Variants in GMPR observed in about 807,000 individuals in gnomAD.
The protein encoded by GMPR is GMP reductase 1.
Under a neutral mutation model 38.4 loss-of-function variants are expected in GMPR, and 31 were observed. The observed-to-expected ratio is 0.81, with a 90% CI of 0.61 to 1.09. GMPR has a LOEUF of 1.09. Among genes scored for constraint, GMPR ranks in the 50% least tolerant of loss-of-function variants. The pLI is 0.00. For missense variants in GMPR, 468 were observed against 453.7 expected (o/e 1.03, Z -0.29); for synonymous variants, 162 against 173.3 (o/e 0.93, Z 0.51).
rs747055824 is a variant in GMPR at position 16,274,473 on chromosome 6, T to C, written c.524T>C (p.Ile175Thr). 6.2e-7 allele frequency: 1 copy of C among 1,607,086 alleles called. No individual in the cohort carries two copies. Among genetic ancestry groups the C allele is most frequent in the Admixed American group, 1.7e-5 (1 of 60,008 alleles). Residue 175 changes from isoleucine (I) to threonine (T), a missense_variant, in exon 5 of 9, where the codon ATC (isoleucine) becomes ACC (threonine). Physicochemically the swap from Ile to Thr is moderately conservative, Grantham distance 89. Transcript: ENST00000259727. ...GAGCTTATTCTTTCCGGAGCAGATA[T>C]CATCAAAGTGGGAGTTGGACCAGGT... is the stretch of plus-strand genomic sequence containing the variant. ...VEELILSGADIIKVGVGPGSV... is the reference protein window; with the variant it reads ...VEELILSGADTIKVGVGPGSV...
At chr6:16,253,332 A>G (rs1219087949) in intron 3 of GMPR, among the ~76,000 whole-genome samples, 9 of 152,260 alleles carry the variant, frequency 5.9e-5, no homozygotes, top group Non-Finnish European at 2.9e-5. Context: ...GAAATACCTG[A>G]AACTGGGTAA....
Position 16,295,266 on chromosome 6 carries a change from C to T in GMPR, c.*80C>T. The T allele has an allele frequency of 1.8e-6, 2 of 1,090,274 alleles. No homozygotes were observed. Among genetic ancestry groups the T allele is most frequent in the Non-Finnish European group, 2.5e-6 (2 of 792,532 alleles). 67.5% of individuals were successfully genotyped at this position (1,090,274 alleles called of 1,614,324 possible). A position where few individuals can be genotyped will look rare whatever the true frequency, so the allele number is the denominator to read the frequency against. ...CCATCTCCCCCCAAGTCTGTTCCGT[C>T]AGAGCTTCTGGCTGCTCCTGAATGG... On this transcript the variant is annotated 3_prime_UTR_variant, in exon 9 of 9. Transcript: ENST00000259727.
chr6:16,245,098 C>A (rs1183881652), intron 1 of GMPR, among the ~76,000 whole-genome samples: 2 of 152,124 alleles, frequency 1.3e-5, no homozygotes, highest in South Asian at 2.1e-4. Flanking sequence ...GAGCCATTAG[C>A]CACACACAGG....
In GMPR at chr6:16,266,674, A is replaced by G. The variant is rs541225711; in HGVS notation, c.466-7741A>G. Among the ~76,000 whole-genome samples the G allele has an allele frequency of 1.7e-3, 251 of 150,708 alleles. 1 individual carries two copies. Among genetic ancestry groups the G allele is most frequent in the Middle Eastern group, 6.9e-3 (2 of 290 alleles). ...AAAAAAGAAAAAATTAGCCGGGCGC[A>G]GTGGCGGGCGCCTGTAGTCCCAGCT... On this transcript the variant is annotated intron_variant, in intron 4 of 8. Coordinates refer to ENST00000259727, the MANE Select transcript of GMPR (RefSeq NM_006877.4).
chr6:16,261,366 A>G (rs1462943993), intron 4 of GMPR, among the ~76,000 whole-genome samples: 1 of 151,430 alleles, frequency 6.6e-6, no homozygotes, highest in African/African-American at 2.4e-5. Flanking sequence ...GCTTTGCAAC[A>G]GTACAGCCCA....
At chr6:16,294,952 C>A in intron 8 of GMPR, 54 bp from the exon 9 acceptor site, 1 of 1,408,950 alleles carries the variant, frequency 7.1e-7, no homozygotes, top group Non-Finnish European at 1.0e-6. Context: ...TCTAATTGGG[C>A]TCTTAAGGTG....
At chr6:16,244,456 C>G (rs1581644813) in intron 1 of GMPR, among the ~76,000 whole-genome samples, 1 of 152,092 alleles carries the variant, frequency 6.6e-6, no homozygotes, top group Non-Finnish European at 1.5e-5. Context: ...AAGCAATCTG[C>G]CTGCCTCAGC....
In GMPR at chr6:16,244,153, C is replaced by T. The variant is rs116326953; in HGVS notation, c.88-2689C>T. Among the ~76,000 whole-genome samples the T allele has an allele frequency of 4.5e-3, 654 of 145,500 alleles. 5 individuals carry two copies. The highest frequency in any genetic ancestry group is 0.015 in the African/African-American group (600 of 39,260). ...AACCTATTTTATGTAGCAGTTTGTTCGTTGGACTTACCACATTGAATTATT... is the reference window on the plus strand; with the variant it reads ...AACCTATTTTATGTAGCAGTTTGTTTGTTGGACTTACCACATTGAATTATT... On this transcript the variant is annotated intron_variant, in intron 1 of 8. Transcript: ENST00000259727.
intron 6 of GMPR, among the ~76,000 whole-genome samples, chr6:16,282,631 CT>C (rs1456720006): frequency 7.2e-5 from 11 of 152,174 alleles, no homozygotes; most frequent in Admixed American, 1.3e-4. Flanking sequence ...GGAAAAATGA[CT>C]TTTAAGTTCA....
intron 6 of GMPR, among the ~76,000 whole-genome samples, chr6:16,280,377 C>G (rs1051924467): frequency 6.6e-6 from 1 of 152,078 alleles, no homozygotes; most frequent in Non-Finnish European, 1.5e-5. Context: ...TTTCACCCAC[C>G]CATCCATTCA....
Position 16,295,232 on chromosome 6 carries a change from C to T in GMPR, c.*46C>T. ...CTGGCTCGAGTGGAAGCGTCCAAACCTGCTTTTCCCATCTCCCCCCAAGTC... is the reference window on the plus strand; with the variant it reads ...CTGGCTCGAGTGGAAGCGTCCAAACTTGCTTTTCCCATCTCCCCCCAAGTC... On this transcript the variant is annotated 3_prime_UTR_variant, in exon 9 of 9. Coordinates refer to ENST00000259727, the MANE Select transcript of GMPR (RefSeq NM_006877.4). 1.4e-6 allele frequency: 2 copies of T among 1,388,136 alleles called. No individual in the cohort carries two copies. Among genetic ancestry groups the T allele is most frequent in the African/African-American group, 1.5e-5 (1 of 66,548 alleles). The allele number at this position is 1,388,136 out of a possible 1,614,324, so 86.0% of individuals were successfully genotyped here.
intron 5 of GMPR, among the ~76,000 whole-genome samples, chr6:16,275,128 G>T (rs1395605685): frequency 6.6e-6 from 1 of 152,160 alleles, no homozygotes; most frequent in Non-Finnish European, 1.5e-5. Context: ...CAGGGTTACT[G>T]TTCGCTTTCC....
At position 16,249,987 on chromosome 6, in the gene GMPR, G is replaced by A. The variant is rs549200591; in HGVS notation, c.208-297G>A. Among the ~76,000 whole-genome samples the A allele has an allele frequency of 2.6e-5, 4 of 152,280 alleles. No individual in the cohort carries two copies. The East Asian group carries it at 7.7e-4, about 29-fold the overall frequency. The stretch of plus-strand genomic sequence containing the variant: ...TAATACAGGTGTGGGTGGGAGCCTG[G>A]GTGGGCTGGGTAGGGCTCTGAGAAT... On this transcript the variant is annotated intron_variant, in intron 2 of 8. Coordinates refer to ENST00000259727, the MANE Select transcript of GMPR (RefSeq NM_006877.4).
intron 1 of GMPR, among the ~76,000 whole-genome samples, chr6:16,245,024 G>A (rs924022381): frequency 6.6e-6 from 1 of 152,162 alleles, no homozygotes; most frequent in African/African-American, 2.4e-5. Flanking sequence ...GCCTGTTGGA[G>A]GATAGAAGAG....
intron 8 of GMPR, among the ~76,000 whole-genome samples, chr6:16,292,789 C>G (rs1581669696): frequency 6.6e-6 from 1 of 152,226 alleles, no homozygotes; most frequent in Non-Finnish European, 1.5e-5. Flanking sequence ...AAGACCAGAG[C>G]AGGCTATGGC....
intron 1 of GMPR, among the ~76,000 whole-genome samples, chr6:16,241,895 C>T (rs1007129181): frequency 3.3e-5 from 5 of 151,956 alleles, no homozygotes; most frequent in Admixed American, 6.6e-5. Context: ...GCACCTACCA[C>T]GCTCTGCTAA....
rs1252924188 is a variant in GMPR at position 16,246,725 on chromosome 6, A to T, written c.88-117A>T. On this transcript the variant is annotated intron_variant, in intron 1 of 8. Transcript: ENST00000259727. ...ATACCTGTCTTTGACCCCTAAGAGA[A>T]TCCAGGGACCTTTGTCTTGTTCCTA... The T allele has an allele frequency of 8.3e-6, 8 of 961,496 alleles. No individual in the cohort carries two copies. The Admixed American group carries it at 1.6e-4, about 19-fold the overall frequency. 59.6% of individuals were successfully genotyped at this position (961,496 alleles called of 1,614,324 possible).
intron 7 of GMPR, among the ~76,000 whole-genome samples, chr6:16,287,248 A>C (rs1164359947): frequency 6.6e-6 from 1 of 152,228 alleles, no homozygotes; most frequent in Non-Finnish European, 1.5e-5. Context: ...ATCATTGGCC[A>C]AGGGCATTTT....
rs768744000 is a variant in GMPR, at chr6:16,254,786, C to T, written c.465+51C>T. The T allele has an allele frequency of 2.1e-5, 28 of 1,350,966 alleles. 1 individual carries two copies. The highest frequency in any genetic ancestry group is 1.7e-4 in the African/African-American group (12 of 70,064). 83.7% of individuals were successfully genotyped at this position (1,350,966 alleles called of 1,614,324 possible). A position where few individuals can be genotyped will look rare whatever the true frequency, so the allele number is the denominator to read the frequency against. On this transcript the variant is annotated intron_variant, in intron 4 of 8. Transcript: ENST00000259727. ...GAACATTCTCAAGATGGGGAAGCCA[C>T]GAGGGAGTTGTTCAATGTGTCGGGG...
Sources: allele counts gnomAD v4.1 joint callset (sites outside exome capture counted in the v4.1 genomes callset), GRCh38; gene constraint gnomAD v4.1.1; transcripts MANE v1.5; gene names NCBI Gene and HGNC (gene_info 2026-07-23, HGNC 2026-07-21).